The following PUS7 variants were observed in gnomAD, a reference collection of about 807,000 sequenced individuals.
The protein encoded by PUS7 is pseudouridine synthase 7, also known as pseudouridylate synthase 7 homolog.
In PUS7, 48 loss-of-function variants were observed where a neutral mutation model predicts 79.8. The observed-to-expected ratio is 0.60, with a 90% CI of 0.48 to 0.76. The LOEUF is 0.76. PUS7 is among the 30% of genes least tolerant of loss of function. The probability of loss-of-function intolerance (pLI) is 0.00; values close to 1 mark genes in which losing one functional copy is unlikely to be tolerated. For missense variants in PUS7, 729 were observed against 797.6 expected, an observed-to-expected ratio of 0.91 and a Z score of 1.04; for synonymous variants, 286 against 272.2, an observed-to-expected ratio of 1.05 and a Z score of -0.50.
At chr7:105,492,475 C>T (rs1322879538) in intron 6 of PUS7, among the ~76,000 whole-genome samples, 3 of 150,458 alleles carry the variant, frequency 2.0e-5, no homozygotes, top group Non-Finnish European at 3.0e-5. Flanking sequence ...CAGGCATGCA[C>T]CACCACATCT....
intron 7 of PUS7, among the ~76,000 whole-genome samples, chr7:105,485,599 C>A (rs1264392813): frequency 1.3e-5 from 2 of 152,208 alleles, no homozygotes; most frequent in Non-Finnish European, 2.9e-5. Flanking sequence ...GGTAGGGGAG[C>A]CACACTTAAA....
chr7:105,459,217 G>A lies in PUS7; in HGVS notation c.1800C>T (p.Asn600=). The change falls in exon 15 of 16, where the codon AAC becomes AAT. Residue 600 remains asparagine, a synonymous_variant. Transcript: ENST00000469408. The part of the protein sequence containing the change: ...AYDDPKIPLF[N]TDVDNLEGKT... ...TCCCTTCTAGGTTGTCCACATCTGT[G>A]TTGAAAAGTGGAATTTTGGGATCAT... is the stretch of plus-strand genomic sequence containing the variant. The A allele has an allele frequency of 6.2e-7, 1 of 1,611,612 alleles. No homozygotes were observed. The highest frequency in any genetic ancestry group is 1.1e-5 in the South Asian group (1 of 90,678).
chr7:105,465,329 G>A lies in PUS7; in HGVS notation c.1611C>T (p.Ile537=). 6.2e-7 allele frequency: 1 copy of A among 1,610,248 alleles called. No individual in the cohort carries two copies. Among genetic ancestry groups the A allele is most frequent in the East Asian group, 2.2e-5 (1 of 44,816 alleles). Residue 537 remains isoleucine (I), a synonymous_variant, in exon 13 of 16, where the codon ATC becomes ATT. Transcript: ENST00000469408. The part of the protein sequence containing the change: ...VVMPLPGFDV[I]YPKHKIQEAY... ...GGAACTTACTTTTATGCTTTGGGTA[G>A]ATAACATCGAAACCAGGCAAGGGCA...
rs1262465169 is a variant in PUS7, at chr7:105,505,968, C to A, written c.572G>T (p.Ser191Ile). 1 of 1,610,874 alleles carries A rather than the reference C, an allele frequency of 6.2e-7. No homozygotes were observed. The highest frequency in any genetic ancestry group is 8.5e-7 in the Non-Finnish European group (1 of 1,179,018). Reference protein sequence around the residue: ...ELQLFKNKETSVAIEVIEDTK... With the variant: ...ELQLFKNKETIVAIEVIEDTK... ...TGCATTAGTTACCTCAATGGCAACA[C>A]TGGTTTCCTTATTTTTGAACAGCTG... Residue 191 changes from serine to isoleucine, a missense_variant, in exon 4 of 16, where the codon AGT (serine) becomes ATT (isoleucine). Coordinates refer to ENST00000469408, the MANE Select transcript of PUS7 (RefSeq NM_019042.5).
chr7:105,495,272 A>G lies in PUS7; in HGVS notation c.731-19T>C. On this transcript the variant is annotated intron_variant, in intron 5 of 15. Transcript: ENST00000469408. ...CTTGGATCTTGAAAGCAAAAGAATT[A>G]ACATTATATATACCATAATAAAAGT... The G allele has an allele frequency of 7.6e-7, 1 of 1,312,952 alleles. No individual in the cohort carries two copies. Among genetic ancestry groups the G allele is most frequent in the Non-Finnish European group, 1.1e-6 (1 of 910,978 alleles). The allele number at this position is 1,312,952 out of a possible 1,614,324, so 81.3% of individuals were successfully genotyped here.
intron 14 of PUS7, among the ~76,000 whole-genome samples, chr7:105,460,170 G>C (rs7807949): frequency 0.99 from 150,514 of 152,238 alleles, 74,417 homozygotes; most frequent in East Asian, 1. Flanking sequence ...GATCTCCTGA[G>C]CTCGTGATCT....
chr7:105,516,855 G>A (rs1299261559), intron 1 of PUS7, among the ~76,000 whole-genome samples: 1 of 152,036 alleles, frequency 6.6e-6, no homozygotes, highest in Non-Finnish European at 1.5e-5. Flanking sequence ...GAGAAAACAA[G>A]CCTGACTACC....
chr7:105,502,314 G>T, intron 5 of PUS7, 106 bp downstream of exon 5: 1 of 1,353,348 alleles, frequency 7.4e-7, no homozygotes, highest in Non-Finnish European at 1.0e-6. Flanking sequence ...ATTGTTCTCT[G>T]AGCAGCACTA....
At chr7:105,498,542 T>C (rs1490914983) in intron 5 of PUS7, among the ~76,000 whole-genome samples, 3 of 152,130 alleles carry the variant, frequency 2.0e-5, no homozygotes, top group African/African-American at 7.2e-5. Context: ...GTTCAGGAAG[T>C]TTGATTTATT....
chr7:105,507,919 G>C (rs1825537666), intron 2 of PUS7, among the ~76,000 whole-genome samples, 196 bp downstream of exon 2: 1 of 151,966 alleles, frequency 6.6e-6, no homozygotes, highest in Non-Finnish European at 1.5e-5. Context: ...TCAAAAAAAG[G>C]GAAAAAATTA....
Position 105,519,377 on chromosome 7 carries a change from G to A in PUS7, c.-33+2675C>T, listed in dbSNP as rs556399334. Among the ~76,000 whole-genome samples, 29 of 152,236 alleles carry A rather than the reference G, an allele frequency of 1.9e-4. 1 individual carries two copies. In the East Asian group the frequency reaches 5.4e-3, roughly 28 times the overall value. On this transcript the variant is annotated intron_variant, in intron 1 of 15. Coordinates refer to ENST00000469408, the MANE Select transcript of PUS7 (RefSeq NM_019042.5). ...GCCTCCCGAGTAGCTGGGATTACAG[G>A]CATGGGCTAAAATTACCACATCCAG...
intron 11 of PUS7, among the ~76,000 whole-genome samples, chr7:105,469,162 C>T (rs1232839218): frequency 6.6e-6 from 1 of 152,134 alleles, no homozygotes. Flanking sequence ...GCCTCAGCCT[C>T]CCAAAGTGCT....
chr7:105,473,100 C>T (rs17148587), intron 9 of PUS7, among the ~76,000 whole-genome samples: 18,975 of 151,896 alleles, frequency 0.12, 1,407 homozygotes, highest in African/African-American at 0.19. Context: ...TAAGTCTTTA[C>T]GTGTGAAAAC....
chr7:105,518,091 T>C (rs1825963289), intron 1 of PUS7, among the ~76,000 whole-genome samples: 1 of 151,986 alleles, frequency 6.6e-6, no homozygotes, highest in Non-Finnish European at 1.5e-5. Flanking sequence ...GAAGTCGCAG[T>C]GAGCCGAGAT....
Position 105,481,189 on chromosome 7 carries a change from C to T in PUS7, c.1050-12G>A, listed in dbSNP as rs776070754. ...TTCCTGTTATATTTCTACAGGGACACAAATTATCCAGAGGAAAAAAAGTTA... is the reference window on the plus strand; with the variant it reads ...TTCCTGTTATATTTCTACAGGGACATAAATTATCCAGAGGAAAAAAAGTTA... On this transcript the variant is annotated splice_polypyrimidine_tract_variant and intron_variant, in intron 8 of 15. Coordinates refer to ENST00000469408, the MANE Select transcript of PUS7 (RefSeq NM_019042.5). 1.9e-6 allele frequency: 3 copies of T among 1,600,638 alleles called. No individual in the cohort carries two copies. Among genetic ancestry groups the T allele is most frequent in the Non-Finnish European group, 2.6e-6 (3 of 1,175,004 alleles).
chr7:105,462,414 T>C (rs1411770155), intron 14 of PUS7: 4 of 504,824 alleles, frequency 7.9e-6, no homozygotes, highest in Non-Finnish European at 1.4e-5. Flanking sequence ...CCTGGGTGAC[T>C]AGTGAAACTC....
chr7:105,462,502 A>C (rs1823473282), intron 14 of PUS7, 119 bp downstream of exon 14: 1 of 1,082,428 alleles, frequency 9.2e-7, no homozygotes, highest in South Asian at 1.5e-5. Context: ...CCACCATCAT[A>C]TAAGCAATCT....
chr7:105,509,204 A>G (rs1825608459), intron 1 of PUS7, among the ~76,000 whole-genome samples: 1 of 149,162 alleles, frequency 6.7e-6, no homozygotes, highest in Non-Finnish European at 1.5e-5. Flanking sequence ...AAAAAAAAAA[A>G]AAAAAAAGGA....
chr7:105,512,255 T>C (rs1025335283), intron 1 of PUS7, among the ~76,000 whole-genome samples: 2 of 148,062 alleles, frequency 1.4e-5, no homozygotes, highest in Non-Finnish European at 1.5e-5. Context: ...TGTAGTTACA[T>C]AAAAGTATCC....
Sources: gnomAD v4.1 joint callset for allele counts (sites outside exome capture counted in the v4.1 genomes callset) on GRCh38, gnomAD v4.1.1 for gene constraint, MANE v1.5 for transcripts, NCBI Gene and HGNC (gene_info 2026-07-23, HGNC 2026-07-21) for gene names.